Variants in GPSM1 observed in about 807,000 individuals in gnomAD.
GPSM1 encodes the protein G protein signaling modulator 1, also known as G protein-signaling modulator 1.
In GPSM1, 48 loss-of-function variants were observed where a neutral mutation model predicts 70.5. That is an observed-to-expected ratio of 0.68 (90% CI 0.54 to 0.87). GPSM1 has a LOEUF of 0.87. GPSM1 is among the 40% of genes least tolerant of loss of function. The pLI, the probability that GPSM1 is intolerant of heterozygous loss-of-function variation, is 0.00. For missense variants in GPSM1, 981 were observed against 972.6 expected (o/e 1.01, Z -0.11); for synonymous variants, 416 against 430.1 (o/e 0.97, Z 0.41).
In GPSM1 at chr9:136,340,762, C is replaced by G. The variant is rs1027957798; in HGVS notation, c.1084-108C>G. The G allele has an allele frequency of 1.4e-6, 2 of 1,425,636 alleles. No individual in the cohort carries two copies. Among genetic ancestry groups the G allele is most frequent in the Non-Finnish European group, 1.8e-6 (2 of 1,083,494 alleles). 88.3% of individuals were successfully genotyped at this position (1,425,636 alleles called of 1,614,324 possible). On this transcript the variant is annotated intron_variant, in intron 8 of 13. Transcript: ENST00000440944. This position sits in a 1 kb window ranked among gnomAD's most constrained non-coding sequence, Gnocchi z 7.3. ...CCAGGGGTCAGTGACCAGTTCAGGT[C>G]ACTCAGAAGGTCAGGGACGGGTGTA...
rs200492027 is a variant in GPSM1, at chr9:136,337,592, G to A, written c.702+28G>A. Reference sequence around the variant, plus strand: ...GAGCCGGGCAGGGTGACAGGGTGGAGGGGCCGGGCTGCTGCAGGGGCAGGG... The same window carrying A: ...GAGCCGGGCAGGGTGACAGGGTGGAAGGGCCGGGCTGCTGCAGGGGCAGGG... On this transcript the variant is annotated intron_variant, in intron 5 of 13. Transcript: ENST00000440944. 1.9e-6 allele frequency: 3 copies of A among 1,547,840 alleles called. No homozygotes were observed. The East Asian group carries it at 7.3e-5, about 38-fold the overall frequency.
At chr9:136,327,827 C>A in intron 1 of GPSM1, 64 bp downstream of exon 1, 1 of 599,150 alleles carries the variant, frequency 1.7e-6, no homozygotes. Flanking sequence ...GGTCGGGACG[C>A]GGGGGAGGCT....
At chr9:136,353,185 G>C in intron 11 of GPSM1, 1 of 866,344 alleles carries the variant, frequency 1.2e-6, no homozygotes, top group Middle Eastern at 5.9e-4. Context: ...GGTCCTAACA[G>C]GTGGAGGCTG....
chr9:136,334,392 G>A (rs544785107), intron 1 of GPSM1, 55 bp from the exon 2 acceptor site: 298 of 1,388,496 alleles, frequency 2.1e-4, no homozygotes, highest in Admixed American at 5.4e-4. Context: ...GAGGTGCTCC[G>A]GCCCCGGGGC....
intron 9 of GPSM1, among the ~76,000 whole-genome samples, chr9:136,344,186 G>T (rs1274851819): frequency 2.1e-5 from 3 of 144,010 alleles, no homozygotes; most frequent in Admixed American, 6.9e-5. Context: ...GCGGACAGGA[G>T]CGGGGGGAGG....
At chr9:136,347,884 C>T (rs191696237) in intron 9 of GPSM1, among the ~76,000 whole-genome samples, 93 of 152,344 alleles carry the variant, frequency 6.1e-4, no homozygotes, top group Non-Finnish European at 1.2e-3. Flanking sequence ...GAGCGACACC[C>T]GTCTCTGCCA....
In GPSM1 at chr9:136,340,591, G is replaced by A. The variant is rs573751314; in HGVS notation, c.1084-279G>A. ...GGCGGGGCCGGGCCCCTCGCGCACC[G>A]GAGGGCACAGGCCCAACCGCCTGGG... On this transcript the variant is annotated intron_variant, in intron 8 of 13. Transcript: ENST00000440944. The surrounding 1 kb of genome is among the most constrained non-coding windows in gnomAD (Gnocchi z 7.3). 3.3e-5 allele frequency among the ~76,000 whole-genome samples: 5 copies of A among 152,064 alleles called. No individual in the cohort carries two copies. Among genetic ancestry groups the A allele is most frequent in the South Asian group, 2.1e-4 (1 of 4,830 alleles).
chr9:136,347,812 G>A (rs975539408), intron 9 of GPSM1, among the ~76,000 whole-genome samples: 13 of 152,196 alleles, frequency 8.5e-5, no homozygotes, highest in East Asian at 1.9e-4. Flanking sequence ...CTCAGGGAGC[G>A]GCTGGGCTGA....
rs112691169 is a variant in GPSM1, at chr9:136,338,721, G to A, written c.974+11G>A. On this transcript the variant is annotated intron_variant, in intron 7 of 13. Coordinates refer to ENST00000440944, the MANE Select transcript of GPSM1 (RefSeq NM_001145638.3). ...GGAGCTGGCCGACAGGTGCGTGGGCGCGGACGCGGCGGGCAGACCCGGCCC... is the reference window on the plus strand; with the variant it reads ...GGAGCTGGCCGACAGGTGCGTGGGCACGGACGCGGCGGGCAGACCCGGCCC... 1.8e-4 allele frequency: 270 copies of A among 1,537,210 alleles called. No individual in the cohort carries two copies. The African/African-American group carries it at 2.3e-3, about 13-fold the overall frequency.
Position 136,339,805 on chromosome 9 carries a change from T to A in GPSM1, c.1073T>A (p.Ile358Asn), listed in dbSNP as rs969241759. ...ACCTTCGCCAAGAAGCACCTGCAGA[T>A]CTCCCAGGAGGTGAGCCAGGCCTGC... ...ALTFAKKHLQ[I>N]SQEIGDRHGE... The change falls in exon 8 of 14, where the codon ATC becomes AAC. Residue 358 changes from isoleucine (I) to asparagine (N), a missense_variant. Ile to Asn is a moderately radical substitution (Grantham distance 149). Coordinates refer to ENST00000440944, the MANE Select transcript of GPSM1 (RefSeq NM_001145638.3). 3 of 1,539,488 alleles carry A rather than the reference T, an allele frequency of 1.9e-6. No individual in the cohort carries two copies. The highest frequency in any genetic ancestry group is 1.8e-6 in the Non-Finnish European group (2 of 1,140,184).
intron 5 of GPSM1, 43 bp from the exon 6 acceptor site, chr9:136,337,802 CG>C: frequency 6.8e-7 from 1 of 1,467,406 alleles, no homozygotes. Flanking sequence ...CGTCAGGCCC[CG>C]GGGCTGCGCC....
In GPSM1 at chr9:136,341,199, C is replaced by T. The variant is rs371488586; in HGVS notation, c.1207+206C>T. On this transcript the variant is annotated intron_variant, in intron 9 of 13. Transcript: ENST00000440944. This position sits in a 1 kb window ranked among gnomAD's most constrained non-coding sequence, Gnocchi z 6.7. ...CCCTTCCCACCCGCATCCTGAGTGG[C>T]GCTGCAGGGCTGCTGGATGAAGGAC... 133 of 1,540,426 alleles carry T rather than the reference C, an allele frequency of 8.6e-5. No individual in the cohort carries two copies. The highest frequency in any genetic ancestry group is 6.4e-4 in the East Asian group (26 of 40,764).
At chr9:136,354,932 G>C (rs1412672211) in intron 11 of GPSM1, 1 of 1,028,682 alleles carries the variant, frequency 9.7e-7, no homozygotes, top group African/African-American at 1.7e-5. Context: ...AGGCTGGGGA[G>C]GCTGGCCCAG....
chr9:136,335,019 C>G (rs1260931345), intron 2 of GPSM1, among the ~76,000 whole-genome samples: 1 of 152,168 alleles, frequency 6.6e-6, no homozygotes, highest in African/African-American at 2.4e-5. Context: ...TCTGGGACCC[C>G]GGCAGGGAGC....
chr9:136,354,170 C>T (rs1438903696), intron 11 of GPSM1, among the ~76,000 whole-genome samples: 1 of 152,186 alleles, frequency 6.6e-6, no homozygotes, highest in African/African-American at 2.4e-5. Flanking sequence ...TGGGGTCTCT[C>T]CTAAAACAGG....
At chr9:136,351,774 G>A (rs1299760100) in intron 11 of GPSM1, among the ~76,000 whole-genome samples, 4 of 152,372 alleles carry the variant, frequency 2.6e-5, no homozygotes, top group South Asian at 2.1e-4. Flanking sequence ...CCAGACAAAC[G>A]GGGTTCCCAG....
Position 136,331,368 on chromosome 9 carries a change from C to CA in GPSM1, c.69-3079_69-3078insA, listed in dbSNP as rs1832094733. ...CTGGCATGGTGAGGACTCTGAGCCC[C>CA]CCCCCCCCGCTGCCCCATGCTGGCA... On this transcript the variant is annotated intron_variant, in intron 1 of 13. Transcript: ENST00000440944. 1.3e-5 allele frequency among the ~76,000 whole-genome samples: 2 copies of CA among 150,970 alleles called. 1 individual carries two copies. Among genetic ancestry groups the CA allele is most frequent in the African/African-American group, 4.9e-5 (2 of 41,174 alleles).
rs555886102 is a variant in GPSM1, at chr9:136,343,748, G to A, written c.1207+2755G>A. Among the ~76,000 whole-genome samples, 1 of 152,202 alleles carries A rather than the reference G, an allele frequency of 6.6e-6. No homozygotes were observed. The highest frequency in any genetic ancestry group is 1.5e-5 in the Non-Finnish European group (1 of 68,038). On this transcript the variant is annotated intron_variant, in intron 9 of 13. Transcript: ENST00000440944. This position sits in a 1 kb window ranked among gnomAD's most constrained non-coding sequence, Gnocchi z 6.0. ...AGCTTGGCAGGGGTGAGAGGCCAGC[G>A]AGCCTGAGGGCCCGTAAGCCTGTTG...
chr9:136,351,739 G>A (rs1250617595), intron 11 of GPSM1, among the ~76,000 whole-genome samples: 1 of 152,230 alleles, frequency 6.6e-6, no homozygotes, highest in Admixed American at 6.5e-5. Context: ...GGGGCAGGAC[G>A]CCTGGGACAG....
Sources: allele counts gnomAD v4.1 joint callset (sites outside exome capture counted in the v4.1 genomes callset), GRCh38; gene constraint gnomAD v4.1.1; non-coding constraint Gnocchi (gnomAD v3.1); transcripts MANE v1.5; gene names NCBI Gene and HGNC (gene_info 2026-07-23, HGNC 2026-07-21).